ADGRA2: variants seen among roughly 807,000 people sequenced by gnomAD.
ADGRA2 encodes adhesion G protein-coupled receptor A2.
Under a neutral mutation model 98.7 loss-of-function variants are expected in ADGRA2, and 61 were observed. The observed-to-expected ratio is 0.62, with a 90% confidence interval of 0.50 to 0.76. The LOEUF (loss-of-function observed/expected upper bound fraction) is 0.76, where lower values mean the gene tolerates loss of function less well. ADGRA2 is among the 30% of genes least tolerant of loss of function. The probability of loss-of-function intolerance (pLI) is 0.00; values close to 1 mark genes in which losing one functional copy is unlikely to be tolerated. For synonymous variants in ADGRA2, 858 were observed against 831.5 expected (o/e 1.03, Z -0.55); for missense variants, 1,712 against 1,860.0 (o/e 0.92, Z 1.46).
At position 37,835,298 on chromosome 8, in the gene ADGRA2, A is replaced by G; in HGVS notation, c.1733A>G (p.Gln578Arg). 1.2e-6 allele frequency: 2 copies of G among 1,613,706 alleles called. No individual in the cohort carries two copies. Among genetic ancestry groups the G allele is most frequent in the Non-Finnish European group, 1.7e-6 (2 of 1,179,920 alleles). The part of the protein sequence containing the change: ...VPGTRPGSPG[Q>R]NPPPEPEPPA... ...GGCACACGGCCAGGAAGCCCTGGCC[A>G]GAACCCCCCACCTGAGCCCGAGCCC... is the stretch of plus-strand genomic sequence containing the variant. The change falls in exon 12 of 19, where the codon CAG (glutamine) becomes CGG (arginine). Residue 578 changes from glutamine to arginine, a missense_variant. Gln to Arg is a conservative substitution (Grantham distance 43). Coordinates refer to ENST00000412232, the MANE Select transcript of ADGRA2 (RefSeq NM_032777.10).
chr8:37,814,697 G>T lies in ADGRA2; in HGVS notation c.267-199G>T, dbSNP rs1249896403. Among the ~76,000 whole-genome samples the T allele has an allele frequency of 6.6e-6, 1 of 152,226 alleles. No individual in the cohort carries two copies. On this transcript the variant is annotated intron_variant, in intron 1 of 18. Transcript: ENST00000412232. This position sits in a 1 kb window ranked among gnomAD's most constrained non-coding sequence, Gnocchi z 4.3. ...CAGGCTTGGAGGAGACTCAGGGCAG[G>T]AAGGTCTGACGTGGGGCTGGGTGGA...
intron 2 of ADGRA2, among the ~76,000 whole-genome samples, chr8:37,822,506 C>T (rs948824813): frequency 2.0e-5 from 3 of 151,928 alleles, no homozygotes; most frequent in Admixed American, 2.0e-4. Context: ...AGTGTGCAAT[C>T]CAATGGTTTC....
intron 2 of ADGRA2, among the ~76,000 whole-genome samples, chr8:37,821,491 C>G (rs1336894216): frequency 6.6e-6 from 1 of 152,170 alleles, no homozygotes; most frequent in African/African-American, 2.4e-5. Flanking sequence ...TGATTCATTC[C>G]CCGGGATCCC....
chr8:37,840,825 A>G lies in ADGRA2; in HGVS notation c.2723A>G (p.His908Arg). 6.2e-7 allele frequency: 1 copy of G among 1,606,762 alleles called. No individual in the cohort carries two copies. Among genetic ancestry groups the G allele is most frequent in the Non-Finnish European group, 8.5e-7 (1 of 1,174,330 alleles). The change falls in exon 18 of 19, where the codon CAC becomes CGC. Residue 908 changes from histidine to arginine, a missense_variant. His to Arg is a conservative substitution (Grantham distance 29, BLOSUM62 0). Transcript: ENST00000412232. ...ICGITAAVNI[H>R]NYRDHSPYCW... ...GGCATCACAGCTGCAGTCAACATCC[A>G]CAACTACCGGGACCACAGCCCCTAG... is the stretch of plus-strand genomic sequence containing the variant.
chr8:37,811,171 T>G (rs1408122143), intron 1 of ADGRA2, among the ~76,000 whole-genome samples: 8 of 146,292 alleles, frequency 5.5e-5, no homozygotes, highest in Non-Finnish European at 1.1e-4. Context: ...TGTGTGTGTT[T>G]TTTTTTTTTT....
intron 4 of ADGRA2, 23 bp from the exon 5 acceptor site, chr8:37,829,465 C>T (rs1785218334): frequency 7.5e-6 from 12 of 1,601,384 alleles, no homozygotes; most frequent in Non-Finnish European, 9.4e-6. Context: ...GACCCCATCT[C>T]AGTTGTCCCC....
Position 37,843,474 on chromosome 8 carries a change from T to C in ADGRA2, c.*1119T>C, listed in dbSNP as rs1016034940. ...GCAGGTCATGAGGGGCCTATGCCTT[T>C]ACTCCTTTTAAACACCAGCACCCGT... On this transcript the variant is annotated 3_prime_UTR_variant, in exon 19 of 19. Coordinates refer to ENST00000412232, the MANE Select transcript of ADGRA2 (RefSeq NM_032777.10). 2 of 152,248 alleles carry C rather than the reference T, an allele frequency of 1.3e-5. No homozygotes were observed. Among genetic ancestry groups the C allele is most frequent in the African/African-American group, 4.8e-5 (2 of 41,440 alleles). 9.4% of individuals were successfully genotyped at this position (152,248 alleles called of 1,614,324 possible). A position where few individuals can be genotyped will look rare whatever the true frequency, so the allele number is the denominator to read the frequency against.
chr8:37,797,502 G>T lies in ADGRA2; in HGVS notation c.234G>T (p.Glu78Asp). 1 of 1,404,848 alleles carries T rather than the reference G, an allele frequency of 7.1e-7. No homozygotes were observed. The highest frequency in any genetic ancestry group is 1.8e-5 in the South Asian group (1 of 57,000). 87.0% of individuals were successfully genotyped at this position (1,404,848 alleles called of 1,614,324 possible). ...CSGGDLPEPPEPGLLPNGTVT... is the reference protein window; with the variant it reads ...CSGGDLPEPPDPGLLPNGTVT... ...GCGGGGACCTCCCGGAGCCTCCCGA[G>T]CCCGGCCTTCTGCCTAACGGCACCG... Residue 78 changes from glutamate to aspartate, a missense_variant, in exon 1 of 19, where the codon GAG (glutamate) becomes GAT (aspartate). Physicochemically the swap from Glu to Asp is conservative, Grantham distance 45. Transcript: ENST00000412232. The surrounding 1 kb of genome is among the most constrained non-coding windows in gnomAD (Gnocchi z 5.3).
rs1258744368 is a variant in ADGRA2, at chr8:37,840,197, A to C, written c.2588A>C (p.Glu863Ala). The C allele has an allele frequency of 1.9e-6, 3 of 1,612,478 alleles. No individual in the cohort carries two copies. In the African/African-American group the frequency reaches 4.0e-5, roughly 22 times the overall value. Reference sequence around the variant, plus strand: ...GTGAAGGCGCGAGTGCTCCATAAGGAGCTCACCTGGAGGGCACCCCCTCCG... The same window carrying C: ...GTGAAGGCGCGAGTGCTCCATAAGGCGCTCACCTGGAGGGCACCCCCTCCG... Reference protein sequence around the residue: ...MGVKARVLHKELTWRAPPPQE... With the variant: ...MGVKARVLHKALTWRAPPPQE... Residue 863 changes from glutamate (E) to alanine (A), a missense_variant, in exon 17 of 19, where the codon GAG (glutamate) becomes GCG (alanine). Physicochemically the swap from Glu to Ala is moderately radical, Grantham distance 107. Coordinates refer to ENST00000412232, the MANE Select transcript of ADGRA2 (RefSeq NM_032777.10).
rs1805586224 is a variant in ADGRA2, at chr8:37,835,591, G to A, written c.1871G>A (p.Ser624Asn). Residue 624 changes from serine to asparagine, a missense_variant, in exon 13 of 19, where the codon AGT becomes AAT. Transcript: ENST00000412232. ...VALASIQLPP[S>N]LFSSLPAALA... Reference sequence around the variant, plus strand: ...CTGGCCTCCATCCAGCTGCCCCCGAGTCTATTCTCATCCCTTCCGGCTGCC... The same window carrying A: ...CTGGCCTCCATCCAGCTGCCCCCGAATCTATTCTCATCCCTTCCGGCTGCC... The A allele has an allele frequency of 6.2e-7, 1 of 1,613,774 alleles. No individual in the cohort carries two copies. The highest frequency in any genetic ancestry group is 8.5e-7 in the Non-Finnish European group (1 of 1,179,716).
At position 37,797,285 on chromosome 8, in the gene ADGRA2, G is replaced by A; in HGVS notation, c.17G>A (p.Arg6His). Reference protein sequence around the residue: MGAGGRRMRGAPARLL... With the variant: MGAGGHRMRGAPARLL... ...GATGGGTTGATGGGCGCCGGGGGAC[G>A]CAGGATGCGGGGGGCGCCCGCGCGC... The change falls in exon 1 of 19, where the codon CGC becomes CAC. Residue 6 changes from arginine (R) to histidine (H), a missense_variant. By Grantham distance (29) the Arg-to-His change is conservative (BLOSUM62 0). Transcript: ENST00000412232. This position sits in a 1 kb window ranked among gnomAD's most constrained non-coding sequence, Gnocchi z 5.3. The A allele has an allele frequency of 2.3e-6, 3 of 1,298,656 alleles. No homozygotes were observed. Among genetic ancestry groups the A allele is most frequent in the Non-Finnish European group, 1.9e-6 (2 of 1,030,190 alleles). The allele number at this position is 1,298,656 out of a possible 1,614,324, so 80.4% of individuals were successfully genotyped here.
At position 37,843,006 on chromosome 8, in the gene ADGRA2, T is replaced by A. The variant is rs534961118; in HGVS notation, c.*651T>A. On this transcript the variant is annotated 3_prime_UTR_variant, in exon 19 of 19. Transcript: ENST00000412232. ...GGCACAACTAGGAACAATGCCACCA[T>A]TCCCACAGGAGTGGTACTTAAACCA... 6 of 152,616 alleles carry A rather than the reference T, an allele frequency of 3.9e-5. No individual in the cohort carries two copies. The highest frequency in any genetic ancestry group is 1.4e-4 in the African/African-American group (6 of 41,534). 9.5% of individuals were successfully genotyped at this position (152,616 alleles called of 1,614,324 possible).
intron 1 of ADGRA2, among the ~76,000 whole-genome samples, chr8:37,810,537 G>A (rs1275962609): frequency 6.6e-6 from 1 of 152,016 alleles, no homozygotes; most frequent in Non-Finnish European, 1.5e-5. Flanking sequence ...ACAGGGTCTC[G>A]CTCAGGCTGG....
chr8:37,825,438 G>A (rs1257879968), intron 2 of ADGRA2, among the ~76,000 whole-genome samples: 32 of 149,798 alleles, frequency 2.1e-4, no homozygotes, highest in Admixed American at 6.6e-5. Context: ...TAGTAGAGAC[G>A]GGGTTTCACC....
At chr8:37,827,507 C>G (rs986545547) in intron 2 of ADGRA2, among the ~76,000 whole-genome samples, 1 of 152,244 alleles carries the variant, frequency 6.6e-6, no homozygotes, top group Non-Finnish European at 1.5e-5. Context: ...GAATTTGAGC[C>G]ACAGACTCAG....
chr8:37,814,297 G>A lies in ADGRA2; in HGVS notation c.267-599G>A, dbSNP rs567587428. ...TGAGGCCTGGCTTCCCCTACACTCG[G>A]GGCTCCATTGGCTTTCTGCCAAGGC... On this transcript the variant is annotated intron_variant, in intron 1 of 18. Coordinates refer to ENST00000412232, the MANE Select transcript of ADGRA2 (RefSeq NM_032777.10). The surrounding 1 kb of genome is among the most constrained non-coding windows in gnomAD (Gnocchi z 4.3). 1.3e-5 allele frequency among the ~76,000 whole-genome samples: 2 copies of A among 152,192 alleles called. No homozygotes were observed. Among genetic ancestry groups the A allele is most frequent in the Non-Finnish European group, 2.9e-5 (2 of 68,034 alleles).
Position 37,844,625 on chromosome 8 carries a change from GACAGGGGGT to G in ADGRA2, c.*2277_*2285del, listed in dbSNP as rs1805915614. 2.5e-6 allele frequency: 4 copies of G among 1,614,014 alleles called. No individual in the cohort carries two copies. The Admixed American group carries it at 6.7e-5, about 27-fold the overall frequency. Reference sequence around the variant, plus strand: ...TGTTCTCATCTCCAGTGACAGTGGAGACAGGGGGTACAGGGCAGATCCGCTTCGGGGACT... The same window carrying G: ...TGTTCTCATCTCCAGTGACAGTGGAGACAGGGCAGATCCGCTTCGGGGACT... On this transcript the variant is annotated 3_prime_UTR_variant, in exon 19 of 19. Coordinates refer to ENST00000412232, the MANE Select transcript of ADGRA2 (RefSeq NM_032777.10).
rs780858013 is a variant in ADGRA2, at chr8:37,839,103, G to A, written c.2387+20G>A. 5.3e-5 allele frequency: 85 copies of A among 1,606,678 alleles called. No individual in the cohort carries two copies. The South Asian group carries it at 9.0e-4, about 17-fold the overall frequency. On this transcript the variant is annotated intron_variant, in intron 15 of 18. Transcript: ENST00000412232. The stretch of plus-strand genomic sequence containing the variant: ...CCACAGGTGGGTGCTCCTGCAGGAG[G>A]GAGGGCGTGGTGGGCAGGCATGGAA...
chr8:37,836,730 C>A (rs1805626720), intron 13 of ADGRA2, among the ~76,000 whole-genome samples: 1 of 152,228 alleles, frequency 6.6e-6, no homozygotes, highest in Non-Finnish European at 1.5e-5. Flanking sequence ...AGAGCCCCTT[C>A]AAAGTCTTGG....
Sources: gnomAD v4.1 joint callset for allele counts (sites outside exome capture counted in the v4.1 genomes callset) on GRCh38, gnomAD v4.1.1 for gene constraint, Gnocchi (gnomAD v3.1) non-coding constraint, MANE v1.5 for transcripts, NCBI Gene and HGNC (gene_info 2026-07-23, HGNC 2026-07-21) for gene names.